The following NLGN1 variants were observed in gnomAD, a reference collection of about 807,000 sequenced individuals.
NLGN1 encodes the protein neuroligin-1.
NLGN1 carries 12 observed loss-of-function variants against 65.5 expected under a neutral mutation model. The observed-to-expected ratio is 0.18, with a 90% CI of 0.12 to 0.30. The LOEUF is 0.30. Among genes scored for constraint, NLGN1 ranks in the 10% least tolerant of loss-of-function variants. NLGN1 has a pLI of 1.00. For synonymous variants in NLGN1, 350 were observed against 359.5 expected (o/e 0.97, Z 0.30); for missense variants, 750 against 1,007.1 (o/e 0.74, Z 3.46).
intron 4 of NLGN1, among the ~76,000 whole-genome samples, chr3:173,881,520 G>A (rs975747765): frequency 6.1e-5 from 9 of 147,980 alleles, no homozygotes; most frequent in Non-Finnish European, 1.0e-4. Flanking sequence ...TACCTCCCGG[G>A]TTCACGCCAT....
chr3:173,923,514 A>G (rs1378803125), intron 4 of NLGN1, among the ~76,000 whole-genome samples: 3 of 152,122 alleles, frequency 2.0e-5, no homozygotes, highest in African/African-American at 7.2e-5. Context: ...CTCTTCCTAT[A>G]GTTTACTGAT....
At chr3:174,146,703 G>C (rs1723344963) in intron 4 of NLGN1, among the ~76,000 whole-genome samples, 1 of 151,618 alleles carries the variant, frequency 6.6e-6, no homozygotes, top group Admixed American at 6.6e-5. Flanking sequence ...GAGTAGCTGG[G>C]ATTACAGGCA....
At chr3:173,885,618 A>G (rs1273859903) in intron 4 of NLGN1, among the ~76,000 whole-genome samples, 2 of 152,124 alleles carry the variant, frequency 1.3e-5, no homozygotes, top group Non-Finnish European at 2.9e-5. Context: ...AGCATATTCA[A>G]TAAATGGCTA....
chr3:173,498,691 T>G (rs1013819248), intron 2 of NLGN1, among the ~76,000 whole-genome samples: 2 of 151,878 alleles, frequency 1.3e-5, no homozygotes, highest in African/African-American at 4.9e-5. Flanking sequence ...GTGTTCCTAT[T>G]TCTTCACATC....
intron 3 of NLGN1, among the ~76,000 whole-genome samples, chr3:173,754,638 G>T (rs570452301): frequency 2.0e-5 from 3 of 152,196 alleles, no homozygotes; most frequent in African/African-American, 7.2e-5. Flanking sequence ...TTTGATGAAT[G>T]AATGAATACA....
chr3:174,115,110 T>G (rs964697195), intron 4 of NLGN1, among the ~76,000 whole-genome samples: 3 of 152,114 alleles, frequency 2.0e-5, no homozygotes, highest in Non-Finnish European at 4.4e-5. Flanking sequence ...CAAAATTAAT[T>G]ATATTTTGAT....
At chr3:174,129,354 AACACACACACACACAC>A (rs61122760) in intron 4 of NLGN1, among the ~76,000 whole-genome samples, 273 of 116,842 alleles carry the variant, frequency 2.3e-3, no homozygotes, top group African/African-American at 7.3e-3. Flanking sequence ...CCCGGTTTAC[AACACACACACACACAC>A]ACACACACAC....
intron 4 of NLGN1, among the ~76,000 whole-genome samples, chr3:174,131,029 A>C (rs78018355): frequency 0.039 from 5,891 of 152,234 alleles, 163 homozygotes; most frequent in Middle Eastern, 0.075. Context: ...CTGAGAAGAG[A>C]AAAAATAGTG....
At chr3:173,694,618 T>C (rs541096956) in intron 3 of NLGN1, among the ~76,000 whole-genome samples, 1 of 152,314 alleles carries the variant, frequency 6.6e-6, no homozygotes, top group South Asian at 2.1e-4. Context: ...GCTCCTCATA[T>C]CCAGAATGAA....
intron 4 of NLGN1, among the ~76,000 whole-genome samples, chr3:174,252,274 A>G (rs1044510641): frequency 1.3e-5 from 2 of 152,186 alleles, no homozygotes; most frequent in Admixed American, 1.3e-4. Context: ...AGGAAAGGGC[A>G]ACAGAGTAGG....
At chr3:173,575,315 A>G (rs780081628) in intron 2 of NLGN1, among the ~76,000 whole-genome samples, 25 of 152,248 alleles carry the variant, frequency 1.6e-4, no homozygotes, top group Non-Finnish European at 2.8e-4. Context: ...AGTTTATGGA[A>G]TCTTGTTTGA....
intron 4 of NLGN1, among the ~76,000 whole-genome samples, chr3:174,035,832 G>A (rs932064210): frequency 2.0e-5 from 3 of 151,974 alleles, no homozygotes; most frequent in Non-Finnish European, 4.4e-5. Context: ...CCAGGTGCTG[G>A]CAAGTCTAGA....
chr3:174,067,001 A>G (rs1738754344), intron 4 of NLGN1, among the ~76,000 whole-genome samples: 1 of 152,186 alleles, frequency 6.6e-6, no homozygotes, highest in East Asian at 1.9e-4. Context: ...TTAATTTCAA[A>G]TGCTTTTGCT....
At chr3:174,086,158 C>A (rs943282500) in intron 4 of NLGN1, among the ~76,000 whole-genome samples, 2 of 149,420 alleles carry the variant, frequency 1.3e-5, no homozygotes, top group Non-Finnish European at 3.0e-5. Flanking sequence ...TTTTTCCTTT[C>A]AGGAATATTT....
chr3:173,974,691 T>G (rs1463154857), intron 4 of NLGN1, among the ~76,000 whole-genome samples: 1 of 152,068 alleles, frequency 6.6e-6, no homozygotes, highest in Non-Finnish European at 1.5e-5. Context: ...CCTGAGTCTT[T>G]TAAGTTTGAA....
chr3:174,221,525 C>G (rs1030251360), intron 4 of NLGN1, among the ~76,000 whole-genome samples: 8 of 151,908 alleles, frequency 5.3e-5, no homozygotes, highest in African/African-American at 1.5e-4. Context: ...CTTGAGCACT[C>G]AATTTTTGGT....
chr3:174,036,099 TA>T (rs1731082409), intron 4 of NLGN1, among the ~76,000 whole-genome samples: 1 of 152,198 alleles, frequency 6.6e-6, no homozygotes, highest in African/African-American at 2.4e-5. Flanking sequence ...ATATTAATGC[TA>T]TGTTATAAAT....
chr3:173,669,289 G>T (rs1357245678), intron 3 of NLGN1, among the ~76,000 whole-genome samples: 2 of 152,276 alleles, frequency 1.3e-5, no homozygotes, highest in East Asian at 3.9e-4. Flanking sequence ...CAGGGCTATT[G>T]TAACAAAGTA....
At chr3:174,105,839 G>A (rs922048028) in intron 4 of NLGN1, among the ~76,000 whole-genome samples, 2 of 151,940 alleles carry the variant, frequency 1.3e-5, no homozygotes, top group Non-Finnish European at 1.5e-5. Flanking sequence ...TATACTATTA[G>A]CAATGTTGGT....
Sources: gnomAD v4.1 joint callset for allele counts (sites outside exome capture counted in the v4.1 genomes callset) on GRCh38, gnomAD v4.1.1 for gene constraint, MANE v1.5 for transcripts, NCBI Gene and HGNC (gene_info 2026-07-23, HGNC 2026-07-21) for gene names.